The following ABTB2 variants were observed in gnomAD, a reference collection of about 807,000 sequenced individuals.
The protein encoded by ABTB2 is ankyrin repeat and BTB domain containing 2.
In ABTB2, 56 loss-of-function variants were observed where a neutral mutation model predicts 104.1. That is an observed-to-expected ratio of 0.54 (90% CI 0.43 to 0.67). ABTB2 has a LOEUF of 0.67. Ranked by LOEUF, ABTB2 falls within the 30% of genes least tolerant of loss-of-function variation. The pLI is 0.00. For missense variants in ABTB2, 1,279 were observed against 1,407.7 expected, an observed-to-expected ratio of 0.91 and a Z score of 1.46; for synonymous variants, 606 against 608.2, an observed-to-expected ratio of 1.00 and a Z score of 0.05.
At chr11:34,206,507 C>A (rs1853409165) in intron 1 of ABTB2, among the ~76,000 whole-genome samples, 1 of 152,216 alleles carries the variant, frequency 6.6e-6, no homozygotes, top group Middle Eastern at 3.2e-3. Context: ...AGCTAGGATT[C>A]AAATCTGGGA....
intron 1 of ABTB2, among the ~76,000 whole-genome samples, chr11:34,339,170 A>T (rs1019350341): frequency 1.3e-5 from 2 of 152,176 alleles, no homozygotes; most frequent in Non-Finnish European, 2.9e-5. Flanking sequence ...ACGCCTGGCC[A>T]CAAGTGATCC....
chr11:34,169,696 G>A (rs1268037330), intron 5 of ABTB2, among the ~76,000 whole-genome samples: 1 of 152,024 alleles, frequency 6.6e-6, no homozygotes, highest in Non-Finnish European at 1.5e-5. Context: ...ACCTGCCACT[G>A]CCCTCTGGAA....
At chr11:34,319,107 G>A (rs527687540) in intron 1 of ABTB2, among the ~76,000 whole-genome samples, 3 of 152,324 alleles carry the variant, frequency 2.0e-5, no homozygotes, top group South Asian at 2.1e-4. Context: ...AGAGTAATAG[G>A]AACAGCGCTG....
At chr11:34,344,775 G>A (rs1855309884) in intron 1 of ABTB2, among the ~76,000 whole-genome samples, 1 of 152,178 alleles carries the variant, frequency 6.6e-6, no homozygotes, top group Non-Finnish European at 1.5e-5. Context: ...TAGGATTACA[G>A]GTGTGAGTCA....
chr11:34,299,145 T>C (rs1018994979), intron 1 of ABTB2, among the ~76,000 whole-genome samples: 2 of 152,156 alleles, frequency 1.3e-5, no homozygotes, highest in African/African-American at 4.8e-5. Flanking sequence ...TGGCTGGTGA[T>C]TGTAAAATAG....
At position 34,334,644 on chromosome 11, in the gene ABTB2, T is replaced by A. The variant is rs191994334; in HGVS notation, c.883+22057A>T. 2.0e-5 allele frequency among the ~76,000 whole-genome samples: 3 copies of A among 152,136 alleles called. No individual in the cohort carries two copies. In the East Asian group the frequency reaches 5.8e-4, roughly 29 times the overall value. On this transcript the variant is annotated intron_variant, in intron 1 of 16. Transcript: ENST00000435224. ...AACCATATGACCCTCCCTCCCCTAA[T>A]CCTTCCCTTTCCCTCTTCCCATGAG...
chr11:34,261,857 A>G (rs1344360709), intron 1 of ABTB2, among the ~76,000 whole-genome samples: 1 of 152,192 alleles, frequency 6.6e-6, no homozygotes, highest in African/African-American at 2.4e-5. Flanking sequence ...TCACAGTGCT[A>G]TCTCTGTACC....
At chr11:34,235,306 C>T (rs1853827070) in intron 1 of ABTB2, among the ~76,000 whole-genome samples, 1 of 152,186 alleles carries the variant, frequency 6.6e-6, no homozygotes, top group South Asian at 2.1e-4. Context: ...GAAATGAATG[C>T]CATCAGCCAA....
At chr11:34,160,419 C>A in intron 11 of ABTB2, 66 bp from the exon 12 acceptor site, 2 of 1,167,678 alleles carry the variant, frequency 1.7e-6, no homozygotes, top group East Asian at 2.4e-5. Flanking sequence ...GATGCAGATA[C>A]GTCAGGCTAA....
chr11:34,326,938 G>C (rs767752745), intron 1 of ABTB2, among the ~76,000 whole-genome samples: 2 of 152,132 alleles, frequency 1.3e-5, no homozygotes, highest in Non-Finnish European at 2.9e-5. Flanking sequence ...GTATTTGGGC[G>C]TGGTGGTGGG....
chr11:34,238,997 C>T (rs907835277), intron 1 of ABTB2, among the ~76,000 whole-genome samples: 3 of 152,218 alleles, frequency 2.0e-5, no homozygotes, highest in Non-Finnish European at 2.9e-5. Flanking sequence ...TAATAATCTG[C>T]CTGCTTCGGC....
intron 3 of ABTB2, among the ~76,000 whole-genome samples, chr11:34,180,540 G>A (rs912532968): frequency 1.3e-5 from 2 of 152,204 alleles, no homozygotes; most frequent in African/African-American, 4.8e-5. Flanking sequence ...AAGGTCAGTG[G>A]CTTTCTGGTA....
intron 14 of ABTB2, among the ~76,000 whole-genome samples, chr11:34,157,464 G>A (rs1230970512): frequency 1.3e-5 from 2 of 152,188 alleles, no homozygotes; most frequent in Non-Finnish European, 2.9e-5. Context: ...GCCCGCACAG[G>A]TCCCCTTACA....
chr11:34,204,825 G>T (rs890370166), intron 1 of ABTB2, 135 bp from the exon 2 acceptor site: 38 of 1,013,418 alleles, frequency 3.7e-5, no homozygotes, highest in Non-Finnish European at 5.0e-5. Context: ...AAATCTCTCT[G>T]AGCCTTGAGG....
chr11:34,349,470 C>A (rs927101223), intron 1 of ABTB2, among the ~76,000 whole-genome samples: 3 of 152,208 alleles, frequency 2.0e-5, no homozygotes, highest in Non-Finnish European at 2.9e-5. Context: ...GCGAGTAATA[C>A]CCATCTCCCT....
At chr11:34,223,879 T>C (rs1479353727) in intron 1 of ABTB2, among the ~76,000 whole-genome samples, 1 of 152,170 alleles carries the variant, frequency 6.6e-6, no homozygotes, top group East Asian at 1.9e-4. Context: ...TCTCTGGTAC[T>C]GTGTCTACAC....
intron 1 of ABTB2, among the ~76,000 whole-genome samples, chr11:34,225,482 G>A (rs1034766349): frequency 2.0e-5 from 3 of 152,192 alleles, no homozygotes; most frequent in Admixed American, 6.5e-5. Flanking sequence ...CTAGCCAGGC[G>A]CGGTGGCTCA....
intron 1 of ABTB2, among the ~76,000 whole-genome samples, chr11:34,261,936 C>G (rs184480563): frequency 1.3e-5 from 2 of 152,298 alleles, no homozygotes; most frequent in East Asian, 3.9e-4. Context: ...TTCTGGAGGA[C>G]AGCAGGACCT....
chr11:34,270,628 C>A (rs995468238), intron 1 of ABTB2, among the ~76,000 whole-genome samples: 1 of 152,210 alleles, frequency 6.6e-6, no homozygotes, highest in Middle Eastern at 3.2e-3. Flanking sequence ...GCGTGAGCCA[C>A]CGTGCCCAGC....
Sources: gnomAD v4.1 joint callset for allele counts (sites outside exome capture counted in the v4.1 genomes callset) on GRCh38, gnomAD v4.1.1 for gene constraint, MANE v1.5 for transcripts, NCBI Gene and HGNC (gene_info 2026-07-23, HGNC 2026-07-21) for gene names.